The following EVA1C variants were observed in gnomAD, a reference collection of about 807,000 sequenced individuals.
The protein encoded by EVA1C is protein eva-1 homolog C.
Under a neutral mutation model 45.4 loss-of-function variants are expected in EVA1C, and 25 were observed. The ratio of observed to expected loss-of-function variants is 0.55; its 90% CI spans 0.40 to 0.77. The LOEUF (loss-of-function observed/expected upper bound fraction) is 0.77. Among genes scored for constraint, EVA1C ranks in the 30% least tolerant of loss-of-function variants. The pLI, the probability that EVA1C is intolerant of heterozygous loss-of-function variation, is 0.00. For missense variants in EVA1C, 479 were observed against 554.8 expected, an observed-to-expected ratio of 0.86 and a Z score of 1.37; for synonymous variants, 190 against 221.2, an observed-to-expected ratio of 0.86 and a Z score of 1.25.
At chr21:32,448,983 GAGAGAA>G (rs1366076228) in intron 1 of EVA1C, among the ~76,000 whole-genome samples, 1 of 147,446 alleles carries the variant, frequency 6.8e-6, no homozygotes, top group African/African-American at 2.5e-5. Flanking sequence ...AAGAAAGAAA[GAGAGAA>G]AGAAAGAAAG....
intron 4 of EVA1C, among the ~76,000 whole-genome samples, chr21:32,469,426 C>T (rs927152339): frequency 2.6e-5 from 4 of 152,154 alleles, no homozygotes; most frequent in South Asian, 2.1e-4. Context: ...GTGGACGCAA[C>T]GCCCTGAGGC....
chr21:32,501,992 CTTTCTTTCT>C (rs2037550213), intron 6 of EVA1C, among the ~76,000 whole-genome samples: 5 of 7,376 alleles, frequency 6.8e-4, no homozygotes, highest in African/African-American at 1.9e-3. Flanking sequence ...TCTTTTCTTT[CTTTCTTTCT>C]TTCTTTCTTT....
chr21:32,480,783 T>C (rs1301192611), intron 4 of EVA1C, among the ~76,000 whole-genome samples: 7 of 152,094 alleles, frequency 4.6e-5, no homozygotes, highest in South Asian at 2.1e-4. Context: ...GCTAACATGG[T>C]GAAACCTCGT....
rs893002609 is a variant in EVA1C, at chr21:32,512,474, GCTGCTGGAATTGA to G, written c.950-2326_950-2314del. ...ACTTCCTTCACTTATAGCTCAAGTC[GCTGCTGGAATTGA>G]CTGCTGGAATTGATTGCTCTGCTGT... is the stretch of plus-strand genomic sequence containing the variant. On this transcript the variant is annotated intron_variant, in intron 7 of 7. Transcript: ENST00000300255. Among the ~76,000 whole-genome samples, 31 of 152,184 alleles carry G rather than the reference GCTGCTGGAATTGA, an allele frequency of 2.0e-4. 1 individual carries two copies. Among genetic ancestry groups the G allele is most frequent in the Admixed American group, 1.8e-3 (28 of 15,274 alleles).
intron 5 of EVA1C, among the ~76,000 whole-genome samples, chr21:32,497,866 C>T (rs569536379): frequency 1.3e-5 from 2 of 152,132 alleles, no homozygotes; most frequent in African/African-American, 2.4e-5. Flanking sequence ...CATCAGATCT[C>T]GTGAGTCCCT....
intron 5 of EVA1C, among the ~76,000 whole-genome samples, chr21:32,498,705 G>A (rs563807322): frequency 1.3e-5 from 2 of 150,984 alleles, no homozygotes; most frequent in African/African-American, 5.0e-5. Flanking sequence ...ACTAGGGGCC[G>A]AGACGCTGAG....
chr21:32,418,186 A>G (rs2034126824), intron 1 of EVA1C, among the ~76,000 whole-genome samples: 1 of 152,188 alleles, frequency 6.6e-6, no homozygotes, highest in Non-Finnish European at 1.5e-5. Context: ...CAGTCACATC[A>G]TCCTTTTTAT....
chr21:32,481,219 A>C (rs2146351343), intron 4 of EVA1C, among the ~76,000 whole-genome samples: 1 of 152,248 alleles, frequency 6.6e-6, no homozygotes, highest in East Asian at 1.9e-4. Flanking sequence ...TCTAAGATAA[A>C]TTTCACAATT....
chr21:32,445,393 T>C, intron 1 of EVA1C, among the ~76,000 whole-genome samples: 1 of 152,200 alleles, frequency 6.6e-6, no homozygotes, highest in Admixed American at 6.5e-5. Context: ...AGTAAAGATC[T>C]TGGGGCCTGC....
chr21:32,442,997 G>A (rs1008518035), intron 1 of EVA1C, among the ~76,000 whole-genome samples: 1 of 131,282 alleles, frequency 7.6e-6, no homozygotes, highest in Non-Finnish European at 1.6e-5. Flanking sequence ...AGGGAGGGAG[G>A]GAAGGAGGGA....
chr21:32,419,661 G>A (rs2034187390), intron 1 of EVA1C, among the ~76,000 whole-genome samples: 1 of 152,200 alleles, frequency 6.6e-6, no homozygotes, highest in Non-Finnish European at 1.5e-5. Flanking sequence ...GTTGCAGTGA[G>A]CCGAAATCGT....
chr21:32,479,144 G>A (rs2036686867), intron 4 of EVA1C, among the ~76,000 whole-genome samples: 1 of 152,250 alleles, frequency 6.6e-6, no homozygotes, highest in African/African-American at 2.4e-5. Flanking sequence ...GTGCAGGCTG[G>A]GAGCGGTGGC....
chr21:32,468,599 G>C (rs2036267464), intron 4 of EVA1C, among the ~76,000 whole-genome samples: 1 of 152,038 alleles, frequency 6.6e-6, no homozygotes. Flanking sequence ...GCCAGTTCAA[G>C]CCTCAAAACT....
At chr21:32,488,866 G>A (rs560844661) in intron 4 of EVA1C, among the ~76,000 whole-genome samples, 3,046 of 6,104 alleles carry the variant, frequency 0.5, 40 homozygotes, top group Middle Eastern at 0.5. Flanking sequence ...GATTATAGGC[G>A]TGAGCACCAT....
chr21:32,501,550 C>G (rs1395409243), intron 6 of EVA1C, 55 bp downstream of exon 6: 1 of 1,584,690 alleles, frequency 6.3e-7, no homozygotes, highest in Non-Finnish European at 8.5e-7. Context: ...TAAACAGCCC[C>G]TGGGTGACCA....
intron 1 of EVA1C, among the ~76,000 whole-genome samples, chr21:32,414,873 C>T (rs1401935961): frequency 6.6e-6 from 1 of 152,060 alleles, no homozygotes; most frequent in African/African-American, 2.4e-5. Context: ...ATGTCAGAAG[C>T]CTTTTGGGGA....
intron 1 of EVA1C, 98 bp downstream of exon 1, chr21:32,413,111 G>A: frequency 9.2e-7 from 1 of 1,086,844 alleles, no homozygotes; most frequent in African/African-American, 1.7e-5. Flanking sequence ...CGGCGGGGTA[G>A]GATTAAAGTT....
intron 1 of EVA1C, among the ~76,000 whole-genome samples, chr21:32,441,591 G>T (rs1465739655): frequency 9.6e-6 from 1 of 104,128 alleles, no homozygotes; most frequent in Non-Finnish European, 1.8e-5. Flanking sequence ...CCATACAATG[G>T]TACAATGGAT....
At chr21:32,485,274 A>G (rs1022559014) in intron 4 of EVA1C, among the ~76,000 whole-genome samples, 7 of 151,912 alleles carry the variant, frequency 4.6e-5, no homozygotes, top group Non-Finnish European at 1.0e-4. Context: ...TCCACTTCCC[A>G]GGTTCAAGCG....
Sources: allele counts gnomAD v4.1 joint callset (sites outside exome capture counted in the v4.1 genomes callset), GRCh38; gene constraint gnomAD v4.1.1; transcripts MANE v1.5; gene names NCBI Gene and HGNC (gene_info 2026-07-23, HGNC 2026-07-21).